The following WDR75 variants were observed in gnomAD, a reference collection of about 807,000 sequenced individuals.
WDR75 encodes WD repeat domain 75, also known as WD repeat-containing protein 75.
Under a neutral mutation model 106.1 loss-of-function variants are expected in WDR75, and 52 were observed. The observed-to-expected ratio is 0.49, with a 90% CI of 0.39 to 0.62. The LOEUF (loss-of-function observed/expected upper bound fraction) is 0.62. WDR75 is among the 20% of genes least tolerant of loss of function. WDR75 has a pLI of 0.00. For missense variants in WDR75, 905 were observed against 970.3 expected, an observed-to-expected ratio of 0.93 and a Z score of 0.89; for synonymous variants, 333 against 335.5, an observed-to-expected ratio of 0.99 and a Z score of 0.08.
At chr2:189,466,048 A>G (rs1045908924) in intron 12 of WDR75, among the ~76,000 whole-genome samples, 4 of 152,096 alleles carry the variant, frequency 2.6e-5, no homozygotes, top group Admixed American at 6.6e-5. Flanking sequence ...GGGGCGTTTC[A>G]CGGCCTTTCC....
intron 8 of WDR75, among the ~76,000 whole-genome samples, chr2:189,460,438 A>G (rs138212333): frequency 7.3e-5 from 11 of 150,426 alleles, no homozygotes; most frequent in Non-Finnish European, 1.3e-4. Flanking sequence ...CCTCCTTCCC[A>G]CTCCACACCC....
intron 2 of WDR75, chr2:189,449,172 C>T: frequency 8.9e-7 from 1 of 1,119,640 alleles, no homozygotes. Flanking sequence ...TTCGGCAAAT[C>T]TACTAAAATT....
At chr2:189,469,252 A>AT (rs1319824884) in intron 15 of WDR75, 92 bp from the exon 16 acceptor site, 1 of 952,110 alleles carries the variant, frequency 1.1e-6, no homozygotes, top group Admixed American at 1.9e-5. Context: ...AGTTGGAAGC[A>AT]TAAGATTCCT....
intron 1 of WDR75, among the ~76,000 whole-genome samples, chr2:189,443,957 A>G (rs1249086763): frequency 6.6e-6 from 1 of 152,224 alleles, no homozygotes; most frequent in African/African-American, 2.4e-5. Flanking sequence ...GAGTGATTTC[A>G]CAGTCAGTGT....
chr2:189,462,515 T>C lies in WDR75; in HGVS notation c.810T>C (p.Ser270=). The C allele has an allele frequency of 1.2e-6, 2 of 1,614,034 alleles. No individual in the cohort carries two copies. The highest frequency in any genetic ancestry group is 1.7e-6 in the Non-Finnish European group (2 of 1,179,900). The change falls in exon 9 of 21, where the codon TCT becomes TCC. Residue 270 remains serine, a synonymous_variant. Coordinates refer to ENST00000314761, the MANE Select transcript of WDR75 (RefSeq NM_032168.3). ...GTCTGCTGAGTGGCGGTCGTGAATC[T>C]GTACTTGTAGAGTGGCGCGATGCAA... ...GTSLLSGGRE[S]VLVEWRDATE... is the part of the protein sequence containing the mutation.
rs188274749 is a variant in WDR75, at chr2:189,461,263, A to T, written c.779-1221A>T. On this transcript the variant is annotated intron_variant, in intron 8 of 20. Transcript: ENST00000314761. ...AGAAAACAGTCTGAAACAGTGTCCTATTTATCCATTTAGTCATTAAGGTAG... is the reference window on the plus strand; with the variant it reads ...AGAAAACAGTCTGAAACAGTGTCCTTTTTATCCATTTAGTCATTAAGGTAG... Among the ~76,000 whole-genome samples, 1,002 of 152,304 alleles carry T rather than the reference A, an allele frequency of 6.6e-3. 46 individuals carry two copies. The highest frequency in any genetic ancestry group is 0.062 in the Admixed American group (941 of 15,294).
At chr2:189,452,133 A>C in intron 4 of WDR75, 1 of 389,384 alleles carries the variant, frequency 2.6e-6, no homozygotes. Context: ...CTCAAATTTT[A>C]AATCTGCTTT....
chr2:189,472,308 G>A (rs566237644), intron 18 of WDR75, among the ~76,000 whole-genome samples: 6 of 152,268 alleles, frequency 3.9e-5, no homozygotes, highest in South Asian at 2.1e-4. Context: ...GGAAGTCTAC[G>A]TAGGCCTTAT....
chr2:189,474,814 G>C lies in WDR75; in HGVS notation c.2288+6G>C. On this transcript the variant is annotated splice_donor_region_variant and intron_variant, in intron 20 of 20. Coordinates refer to ENST00000314761, the MANE Select transcript of WDR75 (RefSeq NM_032168.3). ...CTGTCTAAAGAGACTAAGAGGTAAAGCAGTTCTTAAGACAGGTTTGGACAC... is the reference window on the plus strand; with the variant it reads ...CTGTCTAAAGAGACTAAGAGGTAAACCAGTTCTTAAGACAGGTTTGGACAC... The C allele has an allele frequency of 6.2e-7, 1 of 1,611,186 alleles. No individual in the cohort carries two copies. Among genetic ancestry groups the C allele is most frequent in the Non-Finnish European group, 8.5e-7 (1 of 1,177,412 alleles).
At position 189,469,262 on chromosome 2, in the gene WDR75, T is replaced by C. The variant is rs962617103; in HGVS notation, c.1724-82T>C. 19 of 1,044,430 alleles carry C rather than the reference T, an allele frequency of 1.8e-5. No individual in the cohort carries two copies. In the African/African-American group the frequency reaches 3.0e-4, roughly 17 times the overall value. 64.7% of individuals were successfully genotyped at this position (1,044,430 alleles called of 1,614,324 possible). On this transcript the variant is annotated intron_variant, in intron 15 of 20. Coordinates refer to ENST00000314761, the MANE Select transcript of WDR75 (RefSeq NM_032168.3). ...GTGTTAGTTGGAAGCATAAGATTCC[T>C]CTTCCTAAGAATAAGAGAAGTTTTT...
At chr2:189,471,678 G>A (rs1558990128) in intron 18 of WDR75, among the ~76,000 whole-genome samples, 1 of 152,238 alleles carries the variant, frequency 6.6e-6, no homozygotes, top group South Asian at 2.1e-4. Flanking sequence ...CTTCAGTCTG[G>A]ACTGATTGCT....
At position 189,459,258 on chromosome 2, in the gene WDR75, G is replaced by A. The variant is rs539338995; in HGVS notation, c.690-78G>A. On this transcript the variant is annotated intron_variant, in intron 7 of 20. Coordinates refer to ENST00000314761, the MANE Select transcript of WDR75 (RefSeq NM_032168.3). The stretch of plus-strand genomic sequence containing the variant: ...ATTTAGTATGTTTGGTATATATTAT[G>A]TTTATTGTATTTGGCATGCCATTGT... 2.9e-6 allele frequency: 3 copies of A among 1,039,202 alleles called. No individual in the cohort carries two copies. In the South Asian group the frequency reaches 4.2e-5, roughly 15 times the overall value. 64.4% of individuals were successfully genotyped at this position (1,039,202 alleles called of 1,614,324 possible).
rs149368656 is a variant in WDR75, at chr2:189,463,729, G to A, written c.973G>A (p.Ala325Thr). The A allele has an allele frequency of 8.2e-4, 1,317 of 1,613,558 alleles. 1 individual carries two copies. Among genetic ancestry groups the A allele is most frequent in the Middle Eastern group, 9.9e-4 (6 of 6,084 alleles). ...TATTCACCGAAACCTTGAAGCATCC[G>A]CAGTAATTCAAGGCCTAGTGAAAGG... ...IIIHRNLEAS[A>T]VIQGLVKDRS... is the part of the protein sequence containing the mutation. Residue 325 changes from alanine to threonine, a missense_variant, in exon 10 of 21, where the codon GCA (alanine) becomes ACA (threonine). By Grantham distance (58) the Ala-to-Thr change is moderately conservative. Coordinates refer to ENST00000314761, the MANE Select transcript of WDR75 (RefSeq NM_032168.3).
Position 189,457,364 on chromosome 2 carries a change from A to G in WDR75, c.552A>G (p.Lys184=), listed in dbSNP as rs1482132802. The G allele has an allele frequency of 1.3e-6, 2 of 1,598,412 alleles. No individual in the cohort carries two copies. Among genetic ancestry groups the G allele is most frequent in the South Asian group, 2.2e-5 (2 of 90,366 alleles). The change falls in exon 6 of 21, where the codon AAA becomes AAG. Residue 184 remains lysine, a synonymous_variant. Coordinates refer to ENST00000314761, the MANE Select transcript of WDR75 (RefSeq NM_032168.3). ...TTTACTTGTCTGTTTATTTTTTCAA[A>G]AAGAAAACAACATCAAGGTAAGAAT... ...REFYLSVYFF[K]KKTTSRFTLS...
chr2:189,457,853 A>T (rs1276101951), intron 6 of WDR75, among the ~76,000 whole-genome samples: 1 of 151,540 alleles, frequency 6.6e-6, no homozygotes, highest in Non-Finnish European at 1.5e-5. Flanking sequence ...TAGAGCAGCT[A>T]GTGCTAAGTA....
chr2:189,470,053 G>A (rs1687086396), intron 16 of WDR75, 23 bp from the exon 17 acceptor site: 1 of 1,604,620 alleles, frequency 6.2e-7, no homozygotes, highest in East Asian at 2.2e-5. Context: ...AAATGTTATT[G>A]TTTCTTTGTT....
intron 20 of WDR75, 92 bp downstream of exon 20, chr2:189,474,900 T>C: frequency 1.0e-6 from 1 of 989,562 alleles, no homozygotes; most frequent in Non-Finnish European, 1.5e-6. Flanking sequence ...TTCCACTGTA[T>C]TTCTTTTTAT....
intron 1 of WDR75, among the ~76,000 whole-genome samples, chr2:189,447,142 A>T (rs758812586): frequency 5.3e-5 from 8 of 152,256 alleles, no homozygotes; most frequent in Non-Finnish European, 8.8e-5. Flanking sequence ...AAAACCAGGG[A>T]AAGTGAAACC....
intron 3 of WDR75, 46 bp downstream of exon 3, chr2:189,451,014 C>T (rs1227748419): frequency 1.3e-6 from 2 of 1,571,578 alleles, no homozygotes; most frequent in South Asian, 1.2e-5. Flanking sequence ...TAAAAAAAGG[C>T]AATGTAATTT....
Sources: gnomAD v4.1 joint callset for allele counts (sites outside exome capture counted in the v4.1 genomes callset) on GRCh38, gnomAD v4.1.1 for gene constraint, MANE v1.5 for transcripts, NCBI Gene and HGNC (gene_info 2026-07-23, HGNC 2026-07-21) for gene names.